Variants in ADAM12 observed in about 807,000 individuals in gnomAD.
ADAM12 encodes disintegrin and metalloproteinase domain-containing protein 12.
Under a neutral mutation model 106.4 loss-of-function variants are expected in ADAM12, and 70 were observed. The ratio of observed to expected loss-of-function variants is 0.66; its 90% CI spans 0.54 to 0.80. ADAM12 has a LOEUF of 0.80. ADAM12 is among the 30% of genes least tolerant of loss of function. ADAM12 has a pLI of 0.00. For missense variants in ADAM12, 1,010 were observed against 1,171.9 expected (o/e 0.86, Z 2.02); for synonymous variants, 420 against 433.5 (o/e 0.97, Z 0.39).
At chr10:126,139,189 C>T (rs2886676) in intron 4 of ADAM12, among the ~76,000 whole-genome samples, 49,219 of 151,868 alleles carry the variant, frequency 0.32, 8,307 homozygotes, top group Non-Finnish European at 0.38. Context: ...CATAATAAAC[C>T]GCTTGCCTAT....
At chr10:126,217,939 C>A (rs1958018397) in intron 3 of ADAM12, among the ~76,000 whole-genome samples, 1 of 150,542 alleles carries the variant, frequency 6.6e-6, no homozygotes, top group Non-Finnish European at 1.5e-5. Flanking sequence ...CACGTCACTG[C>A]ACTCCAGCCT....
intron 2 of ADAM12, among the ~76,000 whole-genome samples, chr10:126,294,951 A>G (rs897726260): frequency 4.6e-5 from 7 of 151,814 alleles, no homozygotes; most frequent in Non-Finnish European, 1.0e-4. Context: ...CTCCCTAAGT[A>G]TACAGTAGGG....
chr10:126,270,153 A>T (rs1959168779), intron 3 of ADAM12, among the ~76,000 whole-genome samples: 1 of 152,220 alleles, frequency 6.6e-6, no homozygotes, highest in Non-Finnish European at 1.5e-5. Flanking sequence ...TAATTCCCTG[A>T]GTCTATAGTC....
At chr10:126,331,356 C>T (rs564180516) in intron 1 of ADAM12, among the ~76,000 whole-genome samples, 1 of 152,268 alleles carries the variant, frequency 6.6e-6, no homozygotes, top group South Asian at 2.1e-4. Flanking sequence ...TTTCTTCAAG[C>T]AGGACTCATA....
rs1176855502 is a variant in ADAM12 at position 126,019,809 on chromosome 10, T to G, written c.2546A>C (p.Asn849Thr). Residue 849 changes from asparagine (N) to threonine (T), a missense_variant, in exon 22 of 23, where the codon AAC becomes ACC. Physicochemically the swap from Asn to Thr is moderately conservative, Grantham distance 65. Around this residue, in one of 3 missense-constraint regions of ADAM12, gnomAD observed 615 missense variants for 708.5 expected, o/e 0.87. Transcript: ENST00000448723. Reference sequence around the variant, plus strand: ...TGCAGGCAGAGGCTTCTGAGGGGGGTTTGGCTTACAGGTCCCCTGCAATAA... The same window carrying G: ...TGCAGGCAGAGGCTTCTGAGGGGGGGTTGGCTTACAGGTCCCCTGCAATAA... ...LRQAQGTCKP[N>T]PPQKPLPADP... The G allele has an allele frequency of 5.0e-6, 8 of 1,611,214 alleles. No individual in the cohort carries two copies. Among genetic ancestry groups the G allele is most frequent in the Non-Finnish European group, 6.8e-6 (8 of 1,179,200 alleles).
chr10:126,094,103 C>T lies in ADAM12; in HGVS notation c.1027G>A (p.Val343Met), dbSNP rs771456941. The change falls in exon 11 of 23, where the codon GTG (valine) becomes ATG (methionine). Residue 343 changes from valine (V) to methionine (M), a missense_variant. By Grantham distance (21) the Val-to-Met change is conservative. Around this residue, in one of 3 missense-constraint regions of ADAM12, gnomAD observed 391 missense variants for 442.9 expected, o/e 0.88. Coordinates refer to ENST00000448723, the MANE Select transcript of ADAM12 (RefSeq NM_001288973.2). ...DHSDNPLGAAVTLAHELGHNF... is the reference protein window; with the variant it reads ...DHSDNPLGAAMTLAHELGHNF... ...TGGCCCAGCTCATGTGCCAGGGTCA[C>T]GGCTGCACCAAGGGGATTGTCTGAA... 10 of 1,614,016 alleles carry T rather than the reference C, an allele frequency of 6.2e-6. No homozygotes were observed. Among genetic ancestry groups the T allele is most frequent in the Admixed American group, 3.3e-5 (2 of 59,994 alleles).
At chr10:126,359,249 G>C in intron 1 of ADAM12, among the ~76,000 whole-genome samples, 1 of 152,014 alleles carries the variant, frequency 6.6e-6, no homozygotes, top group East Asian at 1.9e-4. Context: ...TTCTGCCCCT[G>C]GCTCCTCCGA....
At chr10:126,241,127 A>G (rs939868003) in intron 3 of ADAM12, among the ~76,000 whole-genome samples, 1 of 152,246 alleles carries the variant, frequency 6.6e-6, no homozygotes, top group African/African-American at 2.4e-5. Flanking sequence ...ACAAGGGGAC[A>G]TGTACTATAT....
chr10:126,319,657 G>A (rs942411723), intron 2 of ADAM12, among the ~76,000 whole-genome samples: 1 of 152,118 alleles, frequency 6.6e-6, no homozygotes, highest in Non-Finnish European at 1.5e-5. Context: ...ATCAGAAAAC[G>A]AACATTGAGT....
chr10:126,351,241 C>T (rs1293702339), intron 1 of ADAM12, among the ~76,000 whole-genome samples: 2 of 149,280 alleles, frequency 1.3e-5, no homozygotes, highest in Admixed American at 6.6e-5. Flanking sequence ...CCTTTAGTCT[C>T]GGCTTTCCTG....
chr10:126,043,614 G>A lies in ADAM12; in HGVS notation c.1996-466C>T, dbSNP rs1345128511. Among the ~76,000 whole-genome samples the A allele has an allele frequency of 1.3e-5, 2 of 152,236 alleles. No individual in the cohort carries two copies. Among genetic ancestry groups the A allele is most frequent in the Non-Finnish European group, 2.9e-5 (2 of 68,044 alleles). On this transcript the variant is annotated intron_variant, in intron 17 of 22. Coordinates refer to ENST00000448723, the MANE Select transcript of ADAM12 (RefSeq NM_001288973.2). The surrounding 1 kb of genome is among the most constrained non-coding windows in gnomAD (Gnocchi z 4.1). Reference sequence around the variant, plus strand: ...TCAGACAGAAGGCTCAGAGAGGCTGGTGACTGCCGGGTCCCACGCCAGGCT... The same window carrying A: ...TCAGACAGAAGGCTCAGAGAGGCTGATGACTGCCGGGTCCCACGCCAGGCT...
At chr10:126,341,362 C>G (rs896223856) in intron 1 of ADAM12, among the ~76,000 whole-genome samples, 2 of 152,102 alleles carry the variant, frequency 1.3e-5, no homozygotes, top group African/African-American at 2.4e-5. Flanking sequence ...TATTATCAAA[C>G]AAATTAAAAA....
chr10:126,248,112 C>G (rs1184341363), intron 3 of ADAM12, among the ~76,000 whole-genome samples: 14 of 152,208 alleles, frequency 9.2e-5, no homozygotes. Context: ...TGACTTCCTT[C>G]TCTAGGCCTC....
chr10:126,215,442 A>G (rs1215873516), intron 3 of ADAM12, among the ~76,000 whole-genome samples: 1 of 152,166 alleles, frequency 6.6e-6, no homozygotes, highest in Non-Finnish European at 1.5e-5. Context: ...CCCTTGAGGA[A>G]TTTGTAGTTC....
At chr10:126,212,387 C>T (rs547688072) in intron 3 of ADAM12, among the ~76,000 whole-genome samples, 7 of 152,136 alleles carry the variant, frequency 4.6e-5, no homozygotes, top group Non-Finnish European at 1.0e-4. Context: ...TTATCTTGAA[C>T]CAAGGAATAA....
intron 21 of ADAM12, among the ~76,000 whole-genome samples, chr10:126,026,353 CTT>C (rs1387569783): frequency 6.6e-6 from 1 of 152,048 alleles, no homozygotes; most frequent in African/African-American, 2.4e-5. Context: ...GACCTGCAGA[CTT>C]TAACACCCAC....
intron 3 of ADAM12, among the ~76,000 whole-genome samples, chr10:126,234,314 T>G (rs1958372832): frequency 6.6e-6 from 1 of 152,198 alleles, no homozygotes; most frequent in Admixed American, 6.5e-5. Flanking sequence ...ATAGTTACAA[T>G]TAAAACTGCA....
intron 2 of ADAM12, among the ~76,000 whole-genome samples, chr10:126,294,527 T>C (rs1960287155): frequency 6.6e-6 from 1 of 152,192 alleles, no homozygotes; most frequent in Non-Finnish European, 1.5e-5. Context: ...CTCCCTGTTC[T>C]GCTAGGAAGA....
At chr10:126,320,647 A>T (rs1854063958) in intron 2 of ADAM12, among the ~76,000 whole-genome samples, 1 of 152,208 alleles carries the variant, frequency 6.6e-6, no homozygotes, top group South Asian at 2.1e-4. Flanking sequence ...TCTGACATAA[A>T]ATTATAAAGT....
Sources: gnomAD v4.1 joint callset for allele counts (sites outside exome capture counted in the v4.1 genomes callset) on GRCh38, gnomAD v4.1.1 for gene constraint, gnomAD v4.1.1 regional missense constraint, Gnocchi (gnomAD v3.1) non-coding constraint, MANE v1.5 for transcripts, NCBI Gene and HGNC (gene_info 2026-07-23, HGNC 2026-07-21) for gene names.